RBFOX1: variants seen among roughly 807,000 people sequenced by gnomAD.
RBFOX1 encodes RNA binding protein fox-1 homolog 1.
In RBFOX1, 8 loss-of-function variants were observed where a neutral mutation model predicts 57.7. The observed-to-expected ratio is 0.14, with a 90% CI of 0.08 to 0.25. RBFOX1 has a LOEUF of 0.25. RBFOX1 is among the 10% of genes least tolerant of loss of function. RBFOX1 has a pLI of 1.00. For synonymous variants in RBFOX1, 326 were observed against 222.4 expected, an observed-to-expected ratio of 1.47 and a Z score of -4.15; for missense variants, 611 against 548.5, an observed-to-expected ratio of 1.11 and a Z score of -1.14.
chr16:7,304,284 C>A (rs1048360335), intron 4 of RBFOX1: 1 of 982,226 alleles, frequency 1.0e-6, no homozygotes, highest in Non-Finnish European at 1.2e-6. Context: ...AGATAACCAG[C>A]AAAATTAAAA....
intron 3 of RBFOX1, among the ~76,000 whole-genome samples, chr16:7,047,644 T>A (rs2048425035): frequency 6.6e-6 from 1 of 151,422 alleles, no homozygotes; most frequent in Non-Finnish European, 1.5e-5. Flanking sequence ...GAACTCTTTA[T>A]CCTTATATTC....
At chr16:5,955,347 AAAATAAATAAAAATAAAATAAAAT>A (rs1567187787) in intron 4 of RBFOX1, among the ~76,000 whole-genome samples, 23 of 22,336 alleles carry the variant, frequency 1.0e-3, no homozygotes, top group South Asian at 4.1e-3. Context: ...AAAATAAAAT[AAAATAAATAAAAATAAAATAAAAT>A]AAAATAAAAT....
At position 6,026,646 on chromosome 16, in the gene RBFOX1, G is replaced by A. The variant is rs150278868; in HGVS notation, c.-127+6654G>A. On this transcript the variant is annotated intron_variant, in intron 1 of 15. Coordinates refer to ENST00000550418, the MANE Select transcript of RBFOX1 (RefSeq NM_018723.4). ...ATTAGAGCCACAAAAGGAAAACAAG[G>A]CACTTGTTTCTATTTATTGCAGTAT... Among the ~76,000 whole-genome samples the A allele has an allele frequency of 2.6e-3, 389 of 152,342 alleles. 1 individual carries two copies. Among genetic ancestry groups the A allele is most frequent in the African/African-American group, 8.9e-3 (371 of 41,578 alleles).
intron 4 of RBFOX1, among the ~76,000 whole-genome samples, chr16:7,463,928 T>C (rs2150641212): frequency 6.6e-6 from 1 of 152,334 alleles, no homozygotes; most frequent in East Asian, 1.9e-4. Flanking sequence ...TACATGTATA[T>C]TTTTTAAAAA....
intron 3 of RBFOX1, among the ~76,000 whole-genome samples, chr16:6,741,616 C>G (rs1206376737): frequency 6.6e-6 from 1 of 151,386 alleles, no homozygotes; most frequent in African/African-American, 2.4e-5. Flanking sequence ...TTGCGGTGAG[C>G]CGAGATCATG....
chr16:6,129,229 A>G (rs769704936), intron 1 of RBFOX1, among the ~76,000 whole-genome samples: 20 of 152,210 alleles, frequency 1.3e-4, no homozygotes, highest in Non-Finnish European at 2.4e-4. Flanking sequence ...ATCAGAAATG[A>G]CTTTAAAACC....
intron 1 of RBFOX1, among the ~76,000 whole-genome samples, chr16:5,281,440 C>T (rs1352337574): frequency 6.6e-6 from 1 of 152,110 alleles, no homozygotes; most frequent in Non-Finnish European, 1.5e-5. Flanking sequence ...CTGTTAGGTC[C>T]ATTTGGTCTA....
At chr16:6,143,004 A>G (rs561800226) in intron 1 of RBFOX1, among the ~76,000 whole-genome samples, 41 of 152,210 alleles carry the variant, frequency 2.7e-4, no homozygotes, top group African/African-American at 9.6e-4. Flanking sequence ...AGGTAATAGT[A>G]TTTTTTCAGC....
intron 3 of RBFOX1, among the ~76,000 whole-genome samples, chr16:5,795,814 T>C (rs142473570): frequency 1.2e-3 from 186 of 152,340 alleles, no homozygotes; most frequent in African/African-American, 3.7e-3. Flanking sequence ...TTTACATTCA[T>C]TGGGGAAGGA....
intron 3 of RBFOX1, among the ~76,000 whole-genome samples, chr16:6,712,157 G>A (rs1031838123): frequency 6.6e-6 from 1 of 152,152 alleles, no homozygotes; most frequent in Non-Finnish European, 1.5e-5. Context: ...ATGTAGAGGT[G>A]CTCAATGAAC....
intron 3 of RBFOX1, among the ~76,000 whole-genome samples, chr16:5,669,654 A>G (rs868714539): frequency 6.6e-6 from 1 of 152,066 alleles, no homozygotes; most frequent in East Asian, 1.9e-4. Context: ...TCCTGACCTC[A>G]TGATCTGCCT....
chr16:6,451,023 G>C (rs1040109546), intron 2 of RBFOX1, among the ~76,000 whole-genome samples: 3 of 149,566 alleles, frequency 2.0e-5, no homozygotes, highest in Non-Finnish European at 4.4e-5. Flanking sequence ...TAAATAGACA[G>C]GATATTTTCC....
At chr16:6,472,356 A>G (rs73524608) in intron 2 of RBFOX1, among the ~76,000 whole-genome samples, 3,502 of 152,250 alleles carry the variant, frequency 0.023, 112 homozygotes, top group African/African-American at 0.068. Flanking sequence ...AGCCATCCCT[A>G]GAAGATGGCT....
intron 2 of RBFOX1, among the ~76,000 whole-genome samples, chr16:6,374,312 G>T (rs2090886131): frequency 6.6e-6 from 1 of 152,142 alleles, no homozygotes; most frequent in Non-Finnish European, 1.5e-5. Context: ...CACAATTTGG[G>T]ATCATTTTGT....
intron 1 of RBFOX1, among the ~76,000 whole-genome samples, chr16:5,280,179 T>A (rs529276296): frequency 1.6e-4 from 24 of 152,372 alleles, no homozygotes; most frequent in African/African-American, 5.8e-4. Context: ...TTTTTCTGCA[T>A]CTGCTGAGAT....
intron 2 of RBFOX1, among the ~76,000 whole-genome samples, chr16:6,586,357 A>G (rs764982638): frequency 3.3e-5 from 5 of 152,246 alleles, no homozygotes; most frequent in Non-Finnish European, 5.9e-5. Flanking sequence ...GAGCAAAACC[A>G]GCAGCATAAA....
At chr16:7,505,806 T>A (rs1163721470) in intron 4 of RBFOX1, among the ~76,000 whole-genome samples, 2 of 152,192 alleles carry the variant, frequency 1.3e-5, no homozygotes, top group African/African-American at 4.8e-5. Context: ...TTTGCTGGAA[T>A]CTGTAACATG....
At position 6,692,969 on chromosome 16, in the gene RBFOX1, C is replaced by T. The variant is rs539570924; in HGVS notation, c.-16+38319C>T. Among the ~76,000 whole-genome samples, 8 of 151,708 alleles carry T rather than the reference C, an allele frequency of 5.3e-5. No homozygotes were observed. In the South Asian group the frequency reaches 8.4e-4, roughly 16 times the overall value. The stretch of plus-strand genomic sequence containing the variant: ...CATCATCCCCATCCACTACCATCAC[C>T]GGCATCATTATCACCATCGTTCTCC... On this transcript the variant is annotated intron_variant, in intron 3 of 15. Transcript: ENST00000550418.
At chr16:7,171,668 A>G (rs991150093) in intron 4 of RBFOX1, among the ~76,000 whole-genome samples, 1 of 152,222 alleles carries the variant, frequency 6.6e-6, no homozygotes, top group Non-Finnish European at 1.5e-5. Flanking sequence ...CAGAAGGGCC[A>G]TTGCAAATGG....
Sources: gnomAD v4.1 joint callset for allele counts (sites outside exome capture counted in the v4.1 genomes callset) on GRCh38, gnomAD v4.1.1 for gene constraint, MANE v1.5 for transcripts, NCBI Gene and HGNC (gene_info 2026-07-23, HGNC 2026-07-21) for gene names.